The following UBL3 variants were observed in gnomAD, a reference collection of about 807,000 sequenced individuals.
UBL3 encodes the protein ubiquitin like 3.
UBL3 carries 6 observed loss-of-function variants against 18.4 expected under a neutral mutation model. The ratio of observed to expected loss-of-function variants is 0.33; its 90% CI spans 0.18 to 0.64. The LOEUF is 0.64. Among genes scored for constraint, UBL3 ranks in the 30% least tolerant of loss-of-function variants. UBL3 has a pLI of 0.76. For missense variants in UBL3, 109 were observed against 142.9 expected, an observed-to-expected ratio of 0.76 and a Z score of 1.21; for synonymous variants, 49 against 46.6, an observed-to-expected ratio of 1.05 and a Z score of -0.21.
In UBL3 at chr13:29,765,364, T is replaced by C. The variant is rs1876650412; in HGVS notation, c.*1891A>G. 1 of 152,154 alleles carries C rather than the reference T, an allele frequency of 6.6e-6. No individual in the cohort carries two copies. The highest frequency in any genetic ancestry group is 6.6e-5 in the Admixed American group (1 of 15,264). The allele number at this position is 152,154 out of a possible 1,614,324, so 9.4% of individuals were successfully genotyped here. ...TCAGCTAGTCAACAAAGCATATAAA[T>C]ATTTAACATCTCTTGAAGATAACAT... is the stretch of plus-strand genomic sequence containing the variant. On this transcript the variant is annotated 3_prime_UTR_variant, in exon 5 of 5. Coordinates refer to ENST00000380680, the MANE Select transcript of UBL3 (RefSeq NM_007106.4).
chr13:29,813,005 A>G (rs570436882), intron 1 of UBL3, among the ~76,000 whole-genome samples: 1 of 152,182 alleles, frequency 6.6e-6, no homozygotes, highest in Non-Finnish European at 1.5e-5. Flanking sequence ...TATTTTCTAA[A>G]GAGTCATTTT....
At chr13:29,771,987 T>G in intron 3 of UBL3, 125 bp downstream of exon 3, 1 of 809,126 alleles carries the variant, frequency 1.2e-6, no homozygotes, top group Non-Finnish European at 1.9e-6. Context: ...ATACCAGAAA[T>G]AGGCAGAATT....
intron 1 of UBL3, among the ~76,000 whole-genome samples, chr13:29,783,834 A>C (rs1877239675): frequency 2.0e-5 from 3 of 152,164 alleles, no homozygotes; most frequent in African/African-American, 2.4e-5. Context: ...AATAAGACTT[A>C]TTTACAGCTT....
At chr13:29,844,258 C>A (rs1297613785) in intron 1 of UBL3, among the ~76,000 whole-genome samples, 3 of 152,126 alleles carry the variant, frequency 2.0e-5, no homozygotes, top group African/African-American at 7.2e-5. Context: ...AAGCTCAATT[C>A]TTTTCCCTTT....
At chr13:29,790,693 G>T (rs1404445633) in intron 1 of UBL3, among the ~76,000 whole-genome samples, 16 of 152,074 alleles carry the variant, frequency 1.1e-4, no homozygotes, top group Admixed American at 1.0e-3. Context: ...TTCTTGCAGT[G>T]AATGAGTATT....
chr13:29,823,420 G>A (rs1201233134), intron 1 of UBL3, among the ~76,000 whole-genome samples: 1 of 152,204 alleles, frequency 6.6e-6, no homozygotes, highest in Admixed American at 6.5e-5. Context: ...GGGATTACAG[G>A]CGTGAGCCAC....
At chr13:29,790,857 T>C (rs890093941) in intron 1 of UBL3, among the ~76,000 whole-genome samples, 3 of 152,188 alleles carry the variant, frequency 2.0e-5, no homozygotes, top group African/African-American at 4.8e-5. Context: ...AATCCAAATA[T>C]GGGTTTTTCC....
At chr13:29,829,096 C>A (rs1330739576) in intron 1 of UBL3, among the ~76,000 whole-genome samples, 1 of 152,054 alleles carries the variant, frequency 6.6e-6, no homozygotes, top group African/African-American at 2.4e-5. Context: ...CTAGGGGGTG[C>A]CTCCCAGTAG....
Position 29,783,037 on chromosome 13 carries a change from G to A in UBL3, c.28-5774C>T, listed in dbSNP as rs147822664. Among the ~76,000 whole-genome samples, 471 of 152,314 alleles carry A rather than the reference G, an allele frequency of 3.1e-3. 5 individuals are homozygous for A. Among genetic ancestry groups the A allele is most frequent in the Non-Finnish European group, 3.8e-3 (261 of 68,028 alleles). On this transcript the variant is annotated intron_variant, in intron 1 of 4. Transcript: ENST00000380680. Reference sequence around the variant, plus strand: ...GCAACTGAAAGTGCAGACTAGAAAGGTCAGAGCTGATTCAAACCTAGGCTT... The same window carrying A: ...GCAACTGAAAGTGCAGACTAGAAAGATCAGAGCTGATTCAAACCTAGGCTT...
chr13:29,822,957 A>G (rs889759027), intron 1 of UBL3, among the ~76,000 whole-genome samples: 4 of 152,178 alleles, frequency 2.6e-5, no homozygotes, highest in Non-Finnish European at 4.4e-5. Context: ...TCACACATAA[A>G]AAATGTGGAG....
At chr13:29,767,927 T>C (rs1404784091) in intron 3 of UBL3, among the ~76,000 whole-genome samples, 1 of 152,096 alleles carries the variant, frequency 6.6e-6, no homozygotes, top group Non-Finnish European at 1.5e-5. Flanking sequence ...TTTATCCATA[T>C]TAAGAGATGA....
At chr13:29,785,660 A>T (rs1045586372) in intron 1 of UBL3, among the ~76,000 whole-genome samples, 7 of 152,254 alleles carry the variant, frequency 4.6e-5, no homozygotes, top group Admixed American at 4.6e-4. Context: ...AAAATTATTC[A>T]AACAATTGCA....
At chr13:29,806,887 T>C (rs1182341272) in intron 1 of UBL3, among the ~76,000 whole-genome samples, 1 of 152,184 alleles carries the variant, frequency 6.6e-6, no homozygotes, top group African/African-American at 2.4e-5. Flanking sequence ...TGGTGCAATT[T>C]TTAAGTTTTA....
In UBL3 at chr13:29,767,174, T is replaced by C; in HGVS notation, c.*81A>G. 5 of 1,526,334 alleles carry C rather than the reference T, an allele frequency of 3.3e-6. No individual in the cohort carries two copies. The Middle Eastern group carries it at 6.9e-4, about 210-fold the overall frequency. 94.5% of individuals were successfully genotyped at this position (1,526,334 alleles called of 1,614,324 possible). A position where few individuals can be genotyped will look rare whatever the true frequency, so the allele number is the denominator to read the frequency against. ...TTACAGGCAGACTGTTCTGAACGGTTTCTGAAGCAATGTCGGGTCTTTTCT... is the reference window on the plus strand; with the variant it reads ...TTACAGGCAGACTGTTCTGAACGGTCTCTGAAGCAATGTCGGGTCTTTTCT... On this transcript the variant is annotated 3_prime_UTR_variant, in exon 5 of 5. Transcript: ENST00000380680.
intron 1 of UBL3, among the ~76,000 whole-genome samples, chr13:29,803,270 T>C (rs1189191724): frequency 1.3e-5 from 2 of 151,786 alleles, no homozygotes; most frequent in South Asian, 4.2e-4. Context: ...GTGCTAAATA[T>C]GGAAAGGAAA....
intron 1 of UBL3, among the ~76,000 whole-genome samples, chr13:29,835,710 G>A (rs1273561438): frequency 1.5e-5 from 2 of 137,476 alleles, no homozygotes; most frequent in Admixed American, 8.3e-5. Context: ...AGTTGAGATC[G>A]CGCCACTGCA....
intron 1 of UBL3, among the ~76,000 whole-genome samples, chr13:29,823,170 T>C (rs1427210849): frequency 2.0e-5 from 3 of 152,054 alleles, no homozygotes; most frequent in Non-Finnish European, 4.4e-5. Flanking sequence ...TGAGAAGGAG[T>C]TCGCTCCTGT....
chr13:29,837,478 G>A (rs1357137606), intron 1 of UBL3, among the ~76,000 whole-genome samples: 3 of 152,140 alleles, frequency 2.0e-5, no homozygotes, highest in Non-Finnish European at 2.9e-5. Flanking sequence ...CTTACGAGAA[G>A]GGGAAAAAAG....
chr13:29,784,999 G>A (rs1284470659), intron 1 of UBL3, among the ~76,000 whole-genome samples: 3 of 152,132 alleles, frequency 2.0e-5, no homozygotes, highest in African/African-American at 7.2e-5. Flanking sequence ...TCCGGCTCCC[G>A]GGTTCAGGCA....
Sources: gnomAD v4.1 joint callset for allele counts (sites outside exome capture counted in the v4.1 genomes callset) on GRCh38, gnomAD v4.1.1 for gene constraint, MANE v1.5 for transcripts, NCBI Gene and HGNC (gene_info 2026-07-23, HGNC 2026-07-21) for gene names.